The following CALCR variants were observed in gnomAD, a reference collection of about 807,000 sequenced individuals.
CALCR encodes calcitonin receptor.
In CALCR, 47 loss-of-function variants were observed where a neutral mutation model predicts 59.5. The ratio of observed to expected loss-of-function variants is 0.79; its 90% CI spans 0.63 to 1.01. The LOEUF (loss-of-function observed/expected upper bound fraction) is 1.01, where lower values mean the gene tolerates loss of function less well. Among genes scored for constraint, CALCR ranks in the 50% least tolerant of loss-of-function variants. CALCR has a pLI of 0.00. For synonymous variants in CALCR, 213 were observed against 211.3 expected (o/e 1.01, Z -0.07); for missense variants, 566 against 597.1 (o/e 0.95, Z 0.54).
rs1554394530 is a variant in CALCR at position 93,435,828 on chromosome 7, A to AAAAT, written c.1149+123_1149+124insATTT. ...GTCAAAAAAAATAAAATAAAATAAT[A>AAAAT]AATAAATAAATAAATAAATAAACAA... On this transcript the variant is annotated intron_variant, in intron 12 of 13. Coordinates refer to ENST00000426151, the MANE Select transcript of CALCR (RefSeq NM_001742.4). 3.8e-3 allele frequency: 915 copies of AAAAT among 242,534 alleles called. 8 individuals are homozygous for AAAAT. Among genetic ancestry groups the AAAAT allele is most frequent in the Non-Finnish European group, 4.0e-3 (534 of 133,532 alleles). The allele number at this position is 242,534 out of a possible 1,614,324, so 15.0% of individuals were successfully genotyped here. A position where few individuals can be genotyped will look rare whatever the true frequency, so the allele number is the denominator to read the frequency against.
At chr7:93,481,955 A>G (rs1009913158) in intron 3 of CALCR, among the ~76,000 whole-genome samples, 13 of 151,852 alleles carry the variant, frequency 8.6e-5, no homozygotes, top group Non-Finnish European at 1.3e-4. Flanking sequence ...GATGCTGAGG[A>G]TACAGTGCTG....
intron 2 of CALCR, among the ~76,000 whole-genome samples, chr7:93,523,943 C>T (rs959321506): frequency 3.3e-5 from 5 of 151,904 alleles, no homozygotes; most frequent in African/African-American, 1.2e-4. Flanking sequence ...CTAATGGATG[C>T]TCATACTTTC....
intron 2 of CALCR, among the ~76,000 whole-genome samples, chr7:93,490,710 G>A (rs1381368905): frequency 1.3e-5 from 2 of 151,864 alleles, no homozygotes; most frequent in East Asian, 3.9e-4. Context: ...GGATGTGAAG[G>A]ACCTCTTCAA....
intron 2 of CALCR, among the ~76,000 whole-genome samples, chr7:93,518,067 T>C (rs1801684039): frequency 6.6e-6 from 1 of 151,838 alleles, no homozygotes; most frequent in Admixed American, 6.6e-5. Context: ...GCATGAAACA[T>C]TGAGAACAGT....
chr7:93,449,916 C>A (rs1800076796), intron 8 of CALCR, among the ~76,000 whole-genome samples: 1 of 151,892 alleles, frequency 6.6e-6, no homozygotes, highest in South Asian at 2.1e-4. Context: ...TCTGCTATAC[C>A]CTGTCATTTA....
chr7:93,518,159 G>A (rs1428658811), intron 2 of CALCR, among the ~76,000 whole-genome samples: 1 of 151,556 alleles, frequency 6.6e-6, no homozygotes, highest in Non-Finnish European at 1.5e-5. Flanking sequence ...AGGCATAAAA[G>A]CCAAGATTGA....
chr7:93,535,987 T>G (rs1414335161), intron 2 of CALCR, among the ~76,000 whole-genome samples: 1 of 151,868 alleles, frequency 6.6e-6, no homozygotes, highest in Non-Finnish European at 1.5e-5. Flanking sequence ...TTAACCTGTA[T>G]CACATTGAAT....
chr7:93,468,238 G>A (rs1368794678), intron 7 of CALCR, among the ~76,000 whole-genome samples: 1 of 151,722 alleles, frequency 6.6e-6, no homozygotes, highest in African/African-American at 2.4e-5. Context: ...TTTAAATTAG[G>A]TTTTGTAGAA....
intron 2 of CALCR, among the ~76,000 whole-genome samples, chr7:93,569,935 GACACACACACAC>G (rs3068441): frequency 3.5e-5 from 5 of 144,018 alleles, no homozygotes; most frequent in African/African-American, 1.3e-4. Context: ...GATGTAAAGG[GACACACACACAC>G]ACACACACAC....
At chr7:93,470,067 T>C (rs1285841164) in intron 6 of CALCR, among the ~76,000 whole-genome samples, 3 of 151,762 alleles carry the variant, frequency 2.0e-5, no homozygotes, top group African/African-American at 7.2e-5. Context: ...AATTAGCTTC[T>C]CCTAAGTTGT....
intron 2 of CALCR, among the ~76,000 whole-genome samples, chr7:93,524,600 G>A (rs1039148193): frequency 2.6e-5 from 4 of 151,956 alleles, no homozygotes; most frequent in Non-Finnish European, 4.4e-5. Context: ...ATGCTTTCTA[G>A]TACTAAGTAA....
At chr7:93,460,560 A>ATATATATATATATAT in intron 8 of CALCR, among the ~76,000 whole-genome samples, 2 of 79,894 alleles carry the variant, frequency 2.5e-5, no homozygotes, top group African/African-American at 1.8e-4. Context: ...TATCTAAAAA[A>ATATATATATATATAT]AAAAAAAAAA....
chr7:93,486,483 C>T (rs1308791899), intron 3 of CALCR, among the ~76,000 whole-genome samples: 2 of 151,434 alleles, frequency 1.3e-5, no homozygotes, highest in African/African-American at 4.8e-5. Flanking sequence ...AATAGCCAGA[C>T]TGAAAGAGTT....
chr7:93,446,189 A>G (rs1358806855), intron 8 of CALCR, among the ~76,000 whole-genome samples: 2 of 152,038 alleles, frequency 1.3e-5, no homozygotes, highest in Non-Finnish European at 2.9e-5. Context: ...GACGCAAGAT[A>G]TTGCTTGGAG....
At chr7:93,499,188 T>C (rs1801271779) in intron 2 of CALCR, among the ~76,000 whole-genome samples, 1 of 151,698 alleles carries the variant, frequency 6.6e-6, no homozygotes, top group Non-Finnish European at 1.5e-5. Flanking sequence ...TAGATAAATA[T>C]TGACTCTACT....
At chr7:93,458,204 A>G (rs1312951452) in intron 8 of CALCR, among the ~76,000 whole-genome samples, 1 of 152,138 alleles carries the variant, frequency 6.6e-6, no homozygotes, top group Non-Finnish European at 1.5e-5. Flanking sequence ...GCATATATTC[A>G]TACCACAAAA....
intron 6 of CALCR, 114 bp from the exon 7 acceptor site, chr7:93,468,920 C>T (rs1800495707): frequency 6.0e-6 from 3 of 501,524 alleles, no homozygotes; most frequent in Non-Finnish European, 1.0e-5. Context: ...CTTTTAAAAA[C>T]CTACTACAAT....
intron 2 of CALCR, among the ~76,000 whole-genome samples, chr7:93,533,869 A>G (rs1188999753): frequency 2.6e-5 from 4 of 151,826 alleles, no homozygotes; most frequent in Non-Finnish European, 5.9e-5. Flanking sequence ...TCTGGAGGTC[A>G]CTGCTCATGG....
intron 11 of CALCR, 136 bp downstream of exon 11, chr7:93,437,924 C>CTTTTTTT: frequency 1.2e-6 from 1 of 844,548 alleles, no homozygotes; most frequent in Admixed American, 2.8e-5. Flanking sequence ...AATCAAATTG[C>CTTTTTTT]TTTTTTTTAC....
Sources: gnomAD v4.1 joint callset for allele counts (sites outside exome capture counted in the v4.1 genomes callset) on GRCh38, gnomAD v4.1.1 for gene constraint, MANE v1.5 for transcripts, NCBI Gene and HGNC (gene_info 2026-07-23, HGNC 2026-07-21) for gene names.